ESRRB: variants seen among roughly 807,000 people sequenced by gnomAD.
The protein encoded by ESRRB is steroid hormone receptor ERR2.
Under a neutral mutation model 46.0 loss-of-function variants are expected in ESRRB, and 16 were observed. That is an observed-to-expected ratio of 0.35 (90% CI 0.24 to 0.53). The LOEUF (loss-of-function observed/expected upper bound fraction) is 0.53, where lower values mean the gene tolerates loss of function less well. Ranked by LOEUF, ESRRB falls within the 20% of genes least tolerant of loss-of-function variation. The pLI is 0.93. For synonymous variants in ESRRB, 246 were observed against 259.6 expected, an observed-to-expected ratio of 0.95 and a Z score of 0.50; for missense variants, 488 against 607.4, an observed-to-expected ratio of 0.80 and a Z score of 2.07.
intron 1 of ESRRB, among the ~76,000 whole-genome samples, chr14:76,351,634 A>G (rs1036650243): frequency 1.3e-5 from 2 of 152,128 alleles, no homozygotes; most frequent in Admixed American, 1.3e-4. Flanking sequence ...ATGCAATTCA[A>G]CCCATAACAG....
At chr14:76,458,425 G>GACAC (rs58562150) in intron 2 of ESRRB, among the ~76,000 whole-genome samples, 4,268 of 134,774 alleles carry the variant, frequency 0.032, 73 homozygotes, top group East Asian at 0.058. Flanking sequence ...CTCTCTCTCT[G>GACAC]ACACACACAC....
chr14:76,483,492 G>A (rs1889888472), intron 5 of ESRRB, among the ~76,000 whole-genome samples: 1 of 152,200 alleles, frequency 6.6e-6, no homozygotes. Context: ...GTTTCAGGCT[G>A]TGTGGACTTC....
intron 3 of ESRRB, among the ~76,000 whole-genome samples, chr14:76,474,598 C>T (rs935085010): frequency 1.1e-4 from 17 of 152,116 alleles, no homozygotes; most frequent in African/African-American, 3.9e-4. Context: ...CCCAGTATTT[C>T]GGGAGGCTGA....
intron 1 of ESRRB, among the ~76,000 whole-genome samples, chr14:76,402,504 C>G (rs145054431): frequency 1.3e-5 from 2 of 152,256 alleles, no homozygotes; most frequent in Non-Finnish European, 2.9e-5. Flanking sequence ...AATCCCATGA[C>G]TCTGGGAACT....
chr14:76,499,762 C>G lies in ESRRB; in HGVS notation c.*1304C>G. The G allele has an allele frequency of 2.9e-6, 3 of 1,037,186 alleles. No homozygotes were observed. Among genetic ancestry groups the G allele is most frequent in the Non-Finnish European group, 4.6e-6 (3 of 656,504 alleles). The allele number at this position is 1,037,186 out of a possible 1,614,324, so 64.2% of individuals were successfully genotyped here. On this transcript the variant is annotated 3_prime_UTR_variant, in exon 7 of 7. Transcript: ENST00000644823. ...TCTTTATCCCAGGAAACTCCTCTAC[C>G]CCAGGCACACGGGGACAGTGGGTCA...
chr14:76,358,317 A>G (rs1884409185), intron 1 of ESRRB, among the ~76,000 whole-genome samples: 1 of 94,126 alleles, frequency 1.1e-5, no homozygotes. Context: ...GTCTCAAAAA[A>G]AAAAAAAAAG....
At chr14:76,330,323 C>T (rs1174438309) in intron 1 of ESRRB, among the ~76,000 whole-genome samples, 2 of 152,196 alleles carry the variant, frequency 1.3e-5, no homozygotes, top group African/African-American at 2.4e-5. Context: ...CCTGGACCTA[C>T]GTTTTCATCC....
At chr14:76,496,748 C>T (rs192766467) in intron 6 of ESRRB, among the ~76,000 whole-genome samples, 1 of 152,274 alleles carries the variant, frequency 6.6e-6, no homozygotes, top group African/African-American at 2.4e-5. Context: ...CGGGATGACT[C>T]AGGTGTGGCT....
In ESRRB at chr14:76,500,912, A is replaced by G; in HGVS notation, c.*2454A>G. On this transcript the variant is annotated 3_prime_UTR_variant, in exon 7 of 7. Transcript: ENST00000644823. ...AGATCACAACAGGAAATGTGTCAGT[A>G]ACAATGGAACTCCATCCAATGGGAA... 3.1e-6 allele frequency: 2 copies of G among 646,412 alleles called. No individual in the cohort carries two copies. Among genetic ancestry groups the G allele is most frequent in the Non-Finnish European group, 5.6e-6 (2 of 356,290 alleles). The allele number at this position is 646,412 out of a possible 1,614,324, so 40.0% of individuals were successfully genotyped here.
At chr14:76,417,932 G>A (rs1478925331) in intron 1 of ESRRB, among the ~76,000 whole-genome samples, 4 of 151,344 alleles carry the variant, frequency 2.6e-5, no homozygotes, top group African/African-American at 9.7e-5. Context: ...AGCCAGGTGG[G>A]GCTTTTACAT....
intron 1 of ESRRB, among the ~76,000 whole-genome samples, chr14:76,330,350 A>G (rs1295794169): frequency 6.6e-6 from 1 of 152,238 alleles, no homozygotes; most frequent in Admixed American, 6.5e-5. Context: ...ACACAGTGGC[A>G]GAGGGGCTCC....
intron 1 of ESRRB, among the ~76,000 whole-genome samples, chr14:76,318,180 C>T (rs1883824085): frequency 6.6e-6 from 1 of 152,164 alleles, no homozygotes; most frequent in Admixed American, 6.5e-5. Flanking sequence ...GCAGTCGCAC[C>T]TAGGCTTGTA....
At chr14:76,494,691 G>A (rs1180374447) in intron 6 of ESRRB, among the ~76,000 whole-genome samples, 1 of 152,136 alleles carries the variant, frequency 6.6e-6, no homozygotes, top group African/African-American at 2.4e-5. Context: ...TAGCATCAAG[G>A]CCCTGTGCTT....
intron 1 of ESRRB, among the ~76,000 whole-genome samples, chr14:76,326,232 A>G (rs1883928608): frequency 6.6e-6 from 1 of 151,968 alleles, no homozygotes; most frequent in Admixed American, 6.6e-5. Flanking sequence ...AACTAAGGGA[A>G]AAAAAAAGGT....
At chr14:76,481,035 G>C (rs979215048) in intron 3 of ESRRB, among the ~76,000 whole-genome samples, 1 of 152,250 alleles carries the variant, frequency 6.6e-6, no homozygotes, top group Non-Finnish European at 1.5e-5. Flanking sequence ...GCCTGGAAGA[G>C]CCACAGCAAG....
Position 76,376,802 on chromosome 14 carries a change from C to T in ESRRB, c.50+351C>T, listed in dbSNP as rs760293630. ...CAAGAAGGGAGGCAGAAGCCCAGAA[C>T]AGGTGCAGGGATGTGGTTGCAAGGA... On this transcript the variant is annotated intron_variant, in intron 1 of 6. Transcript: ENST00000644823. This position sits in a 1 kb window ranked among gnomAD's most constrained non-coding sequence, Gnocchi z 4.1. Among the ~76,000 whole-genome samples, 11 of 152,212 alleles carry T rather than the reference C, an allele frequency of 7.2e-5. No homozygotes were observed. Among genetic ancestry groups the T allele is most frequent in the Non-Finnish European group, 1.6e-4 (11 of 68,022 alleles).
chr14:76,458,754 T>C (rs60039279), intron 2 of ESRRB, among the ~76,000 whole-genome samples: 40,505 of 151,272 alleles, frequency 0.27, 5,610 homozygotes, highest in Middle Eastern at 0.33. Context: ...TGTGAGCTCC[T>C]GGCACAGTGG....
chr14:76,333,038 ATATAT>A (rs1884059825), intron 1 of ESRRB, among the ~76,000 whole-genome samples: 1 of 6,896 alleles, frequency 1.5e-4, no homozygotes, highest in Non-Finnish European at 2.7e-4. Context: ...TATATATATT[ATATAT>A]TATATATTAT....
In ESRRB at chr14:76,491,426, CTG is replaced by C. The variant is rs1458275768; in HGVS notation, c.851-18_851-17del. The C allele has an allele frequency of 6.2e-7, 1 of 1,606,746 alleles. No homozygotes were observed. Among genetic ancestry groups the C allele is most frequent in the Non-Finnish European group, 8.5e-7 (1 of 1,177,710 alleles). On this transcript the variant is annotated intron_variant, in intron 5 of 6. Coordinates refer to ENST00000644823, the MANE Select transcript of ESRRB (RefSeq NM_001379180.1). ...CGCCCTCCTGACCTGCTGCTGCCCTCTGTGCCCCCTCTTCCTGCAGGCTTCTC... is the reference window on the plus strand; with the variant it reads ...CGCCCTCCTGACCTGCTGCTGCCCTCTGCCCCCTCTTCCTGCAGGCTTCTC...
Sources: allele counts gnomAD v4.1 joint callset (sites outside exome capture counted in the v4.1 genomes callset), GRCh38; gene constraint gnomAD v4.1.1; non-coding constraint Gnocchi (gnomAD v3.1); transcripts MANE v1.5; gene names NCBI Gene and HGNC (gene_info 2026-07-23, HGNC 2026-07-21).